Variants in ASCC3 observed in about 807,000 individuals in gnomAD.
The protein encoded by ASCC3 is activating signal cointegrator 1 complex subunit 3, also known as ASC-1 complex subunit P200.
Under a neutral mutation model 256.3 loss-of-function variants are expected in ASCC3, and 158 were observed. The ratio of observed to expected loss-of-function variants is 0.62; its 90% CI spans 0.54 to 0.70. The LOEUF (loss-of-function observed/expected upper bound fraction) is 0.70, where lower values mean the gene tolerates loss of function less well. Among genes scored for constraint, ASCC3 ranks in the 30% least tolerant of loss-of-function variants. The pLI, the probability that ASCC3 is intolerant of heterozygous loss-of-function variation, is 0.00. For synonymous variants in ASCC3, 948 were observed against 883.4 expected (o/e 1.07, Z -1.30); for missense variants, 2,259 against 2,626.0 (o/e 0.86, Z 3.05).
intron 14 of ASCC3, among the ~76,000 whole-genome samples, chr6:100,665,905 T>C (rs12526352): frequency 0.35 from 52,775 of 151,842 alleles, 10,837 homozygotes; most frequent in Middle Eastern, 0.52. Flanking sequence ...TAGATTTGTG[T>C]AGCTACCATC....
intron 10 of ASCC3, among the ~76,000 whole-genome samples, chr6:100,757,702 G>T (rs1450122108): frequency 6.6e-6 from 1 of 152,108 alleles, no homozygotes; most frequent in Non-Finnish European, 1.5e-5. Context: ...TAGACAAAAT[G>T]CATGAAACAG....
At chr6:100,705,111 G>A (rs1232455635) in intron 13 of ASCC3, among the ~76,000 whole-genome samples, 3 of 151,954 alleles carry the variant, frequency 2.0e-5, no homozygotes, top group Admixed American at 6.6e-5. Flanking sequence ...AGGCTGAATC[G>A]CCAACTTTTG....
At chr6:100,703,756 T>A (rs1204572747) in intron 13 of ASCC3, among the ~76,000 whole-genome samples, 2 of 151,948 alleles carry the variant, frequency 1.3e-5, no homozygotes, top group Non-Finnish European at 2.9e-5. Flanking sequence ...ATAATGCACT[T>A]CCAACTCTTC....
chr6:100,733,097 A>G (rs1033414536), intron 10 of ASCC3, among the ~76,000 whole-genome samples: 1 of 152,236 alleles, frequency 6.6e-6, no homozygotes, highest in Non-Finnish European at 1.5e-5. Context: ...ATAATATGTG[A>G]TTATATATAA....
At chr6:100,533,735 T>A (rs895042733) in intron 37 of ASCC3, among the ~76,000 whole-genome samples, 4 of 152,230 alleles carry the variant, frequency 2.6e-5, no homozygotes, top group African/African-American at 7.2e-5. Flanking sequence ...TAGGAAGTAG[T>A]GAGAGTGACC....
intron 13 of ASCC3, among the ~76,000 whole-genome samples, chr6:100,688,603 A>G (rs1199970072): frequency 6.6e-6 from 1 of 152,184 alleles, no homozygotes; most frequent in Non-Finnish European, 1.5e-5. Flanking sequence ...TGGGCATCCA[A>G]ATAATTCAGA....
At chr6:100,574,129 C>A (rs1770738757) in intron 36 of ASCC3, among the ~76,000 whole-genome samples, 1 of 152,106 alleles carries the variant, frequency 6.6e-6, no homozygotes, top group South Asian at 2.1e-4. Context: ...TAGTATAAAT[C>A]TCCTTAAAAA....
At chr6:100,806,924 A>G (rs1770213656) in intron 4 of ASCC3, among the ~76,000 whole-genome samples, 1 of 151,882 alleles carries the variant, frequency 6.6e-6, no homozygotes, top group African/African-American at 2.4e-5. Flanking sequence ...TCCTCCTAAT[A>G]CTACTTTCAA....
At position 100,551,384 on chromosome 6, in the gene ASCC3, A is replaced by C. The variant is rs1233880726; in HGVS notation, c.5551-10997T>G. Among the ~76,000 whole-genome samples, 3 of 151,948 alleles carry C rather than the reference A, an allele frequency of 2.0e-5. No individual in the cohort carries two copies. The East Asian group carries it at 5.8e-4, about 29-fold the overall frequency. ...AGAGGTACATATAATAATAGTGGGC[A>C]TGTAGGTATCTGTGAAGAAGTTATG... On this transcript the variant is annotated intron_variant, in intron 36 of 41. Coordinates refer to ENST00000369162, the MANE Select transcript of ASCC3 (RefSeq NM_006828.4).
intron 37 of ASCC3, among the ~76,000 whole-genome samples, chr6:100,535,205 C>T (rs1186381310): frequency 6.6e-6 from 1 of 152,108 alleles, no homozygotes; most frequent in Non-Finnish European, 1.5e-5. Context: ...ATGCTGATGT[C>T]CCATGAGAGA....
At chr6:100,808,278 T>C (rs1470767543) in intron 4 of ASCC3, among the ~76,000 whole-genome samples, 1 of 111,962 alleles carries the variant, frequency 8.9e-6, no homozygotes, top group Non-Finnish European at 1.8e-5. Context: ...TATAAAATTA[T>C]ACATGGGTAA....
At chr6:100,749,445 A>T (rs538775739) in intron 10 of ASCC3, among the ~76,000 whole-genome samples, 45 of 152,144 alleles carry the variant, frequency 3.0e-4, no homozygotes, top group Non-Finnish European at 5.9e-4. Context: ...ACTTTTCTAC[A>T]ATGAGAATAT....
At chr6:100,785,687 C>T (rs1769036078) in intron 8 of ASCC3, among the ~76,000 whole-genome samples, 1 of 152,192 alleles carries the variant, frequency 6.6e-6, no homozygotes, top group African/African-American at 2.4e-5. Context: ...GCTAGGATTA[C>T]AGGTGTGAGC....
At chr6:100,859,370 T>G (rs1773114859) in intron 3 of ASCC3, among the ~76,000 whole-genome samples, 1 of 152,060 alleles carries the variant, frequency 6.6e-6, no homozygotes, top group Non-Finnish European at 1.5e-5. Flanking sequence ...TTGTTCCACA[T>G]TACCCTGTCT....
chr6:100,646,466 A>AT (rs1451592823), intron 22 of ASCC3, 149 bp downstream of exon 22: 32 of 804,062 alleles, frequency 4.0e-5, no homozygotes, highest in Non-Finnish European at 5.0e-5. Context: ...GCCCACCACC[A>AT]TGCCCGGCTA....
chr6:100,701,512 G>A (rs1220300930), intron 13 of ASCC3, among the ~76,000 whole-genome samples: 1 of 152,144 alleles, frequency 6.6e-6, no homozygotes, highest in Non-Finnish European at 1.5e-5. Context: ...GTCTTTATCA[G>A]CAGTGTGAAA....
chr6:100,833,563 A>T (rs149138602), intron 4 of ASCC3, among the ~76,000 whole-genome samples: 1 of 152,356 alleles, frequency 6.6e-6, no homozygotes, highest in Admixed American at 6.5e-5. Flanking sequence ...GTAGATATAC[A>T]AGAACTCTAT....
chr6:100,561,168 A>G (rs1397035653), intron 36 of ASCC3, among the ~76,000 whole-genome samples: 6 of 152,096 alleles, frequency 3.9e-5, no homozygotes, highest in African/African-American at 1.4e-4. Context: ...CAAATAGCAA[A>G]ATTGTATTTA....
intron 13 of ASCC3, among the ~76,000 whole-genome samples, chr6:100,691,995 T>C (rs999637308): frequency 6.6e-6 from 1 of 152,040 alleles, no homozygotes; most frequent in African/African-American, 2.4e-5. Flanking sequence ...GGAAGACACC[T>C]GGCACATGGA....
Sources: allele counts gnomAD v4.1 joint callset (sites outside exome capture counted in the v4.1 genomes callset), GRCh38; gene constraint gnomAD v4.1.1; transcripts MANE v1.5; gene names NCBI Gene and HGNC (gene_info 2026-07-23, HGNC 2026-07-21).